MYT1L: variants seen among roughly 807,000 people sequenced by gnomAD.
The protein encoded by MYT1L is myelin transcription factor 1-like protein.
Under a neutral mutation model 126.7 loss-of-function variants are expected in MYT1L, and 12 were observed. That is an observed-to-expected ratio of 0.09 (90% CI 0.06 to 0.15). The LOEUF (loss-of-function observed/expected upper bound fraction) is 0.15, where lower values mean the gene tolerates loss of function less well. Among genes scored for constraint, MYT1L ranks in the 10% least tolerant of loss-of-function variants. The probability of loss-of-function intolerance (pLI) is 1.00; values close to 1 mark genes in which losing one functional copy is unlikely to be tolerated. For missense variants in MYT1L, 979 were observed against 1,585.2 expected (o/e 0.62, Z 6.49); for synonymous variants, 541 against 604.2 (o/e 0.90, Z 1.53).
intron 4 of MYT1L, among the ~76,000 whole-genome samples, chr2:2,021,394 A>C (rs2065016912): frequency 6.6e-6 from 1 of 152,146 alleles, no homozygotes; most frequent in Non-Finnish European, 1.5e-5. Context: ...TAAAGGGTTT[A>C]TGTAGGGAGC....
At chr2:1,909,714 C>T (rs931803169) in intron 13 of MYT1L, among the ~76,000 whole-genome samples, 9 of 152,250 alleles carry the variant, frequency 5.9e-5, no homozygotes, top group East Asian at 3.9e-4. Context: ...ACTTGCCAAA[C>T]GGAGGTGACA....
At chr2:2,295,086 A>G (rs368271699) in intron 1 of MYT1L, among the ~76,000 whole-genome samples, 24 of 152,166 alleles carry the variant, frequency 1.6e-4, no homozygotes, top group African/African-American at 5.6e-4. Context: ...TGTGAAATCT[A>G]TGATCCGCCT....
intron 4 of MYT1L, among the ~76,000 whole-genome samples, chr2:2,044,935 G>C (rs2150041657): frequency 6.6e-6 from 1 of 152,282 alleles, no homozygotes; most frequent in Non-Finnish European, 1.5e-5. Context: ...TGGATCAGTT[G>C]CACTAATTGG....
chr2:2,139,005 C>T (rs902107427), intron 3 of MYT1L, among the ~76,000 whole-genome samples: 2 of 152,078 alleles, frequency 1.3e-5, no homozygotes, highest in African/African-American at 2.4e-5. Flanking sequence ...AAAACAATCA[C>T]GTTCCTTCTT....
intron 2 of MYT1L, among the ~76,000 whole-genome samples, chr2:2,180,540 C>G (rs1572191887): frequency 6.6e-6 from 1 of 151,622 alleles, no homozygotes; most frequent in East Asian, 1.9e-4. Context: ...GTGTGTGCAC[C>G]TGTATCTGTA....
chr2:1,915,694 G>C (rs1032187395), intron 11 of MYT1L, among the ~76,000 whole-genome samples: 1 of 152,210 alleles, frequency 6.6e-6, no homozygotes, highest in African/African-American at 2.4e-5. Flanking sequence ...ACCAAACCCA[G>C]GTTTCAGAGG....
chr2:2,223,165 CT>C (rs2093923494), intron 2 of MYT1L, among the ~76,000 whole-genome samples: 1 of 152,192 alleles, frequency 6.6e-6, no homozygotes, highest in African/African-American at 2.4e-5. Context: ...CACAGACATC[CT>C]GCCTCGAAAT....
chr2:2,329,521 A>C (rs2096272275), intron 1 of MYT1L, among the ~76,000 whole-genome samples: 1 of 152,202 alleles, frequency 6.6e-6, no homozygotes, highest in Non-Finnish European at 1.5e-5. Flanking sequence ...ATAATCTATC[A>C]GAATTTTATT....
At chr2:1,810,339 C>G (rs1408019380) in intron 21 of MYT1L, among the ~76,000 whole-genome samples, 1 of 152,050 alleles carries the variant, frequency 6.6e-6, no homozygotes, top group African/African-American at 2.4e-5. Context: ...AGGGTTTCAC[C>G]ATATTGGCCA....
intron 2 of MYT1L, among the ~76,000 whole-genome samples, chr2:2,274,957 C>A (rs927352682): frequency 6.6e-6 from 1 of 152,008 alleles, no homozygotes; most frequent in African/African-American, 2.4e-5. Context: ...CTATGTAGTG[C>A]TATGAGGGGG....
At chr2:1,812,521 G>A (rs10172879) in intron 21 of MYT1L, among the ~76,000 whole-genome samples, 6,122 of 152,224 alleles carry the variant, frequency 0.04, 143 homozygotes, top group East Asian at 0.067. Flanking sequence ...CCCAGGCTCT[G>A]GAAGGTGCAG....
intron 19 of MYT1L, among the ~76,000 whole-genome samples, chr2:1,843,388 G>C (rs1030005187): frequency 6.6e-6 from 1 of 152,180 alleles, no homozygotes; most frequent in African/African-American, 2.4e-5. Context: ...AGGAACCAAG[G>C]GGGGAATTAC....
At chr2:2,168,239 A>G (rs1377107493) in intron 3 of MYT1L, among the ~76,000 whole-genome samples, 2 of 152,220 alleles carry the variant, frequency 1.3e-5, no homozygotes, top group African/African-American at 4.8e-5. Context: ...AGGGATGTGC[A>G]GTAAAAAAGA....
chr2:2,142,912 CCTGACCT>C, intron 3 of MYT1L, among the ~76,000 whole-genome samples: 1 of 151,834 alleles, frequency 6.6e-6, no homozygotes, highest in East Asian at 2.0e-4. Context: ...GTCTCAAACT[CCTGACCT>C]CAGGTGATCT....
intron 21 of MYT1L, chr2:1,825,801 T>G (rs1177295323): frequency 6.6e-6 from 1 of 152,242 alleles, no homozygotes; most frequent in Non-Finnish European, 1.5e-5. Flanking sequence ...GATAGTCCCC[T>G]TCCAGTGGGC....
chr2:1,988,550 T>C (rs1041123490), intron 5 of MYT1L, among the ~76,000 whole-genome samples: 2 of 152,236 alleles, frequency 1.3e-5, no homozygotes, highest in African/African-American at 4.8e-5. Context: ...AGCATACATG[T>C]GCATGACGGG....
chr2:1,925,794 C>T (rs951612772), intron 9 of MYT1L, among the ~76,000 whole-genome samples: 2 of 152,186 alleles, frequency 1.3e-5, no homozygotes, highest in African/African-American at 4.8e-5. Context: ...GCTCGGCGCC[C>T]ATCATGACTT....
chr2:2,171,531 C>A (rs1394026106), intron 3 of MYT1L, among the ~76,000 whole-genome samples: 1 of 152,208 alleles, frequency 6.6e-6, no homozygotes, highest in African/African-American at 2.4e-5. Flanking sequence ...GTATGAAACA[C>A]CTACAGTTCA....
rs2048338421 is a variant in MYT1L, at chr2:1,887,760, T to C, written c.2521-151A>G. 6.6e-6 allele frequency among the ~76,000 whole-genome samples: 1 copy of C among 152,168 alleles called. No individual in the cohort carries two copies. Among genetic ancestry groups the C allele is most frequent in the Non-Finnish European group, 1.5e-5 (1 of 68,032 alleles). On this transcript the variant is annotated intron_variant, in intron 16 of 24. Transcript: ENST00000647738. The surrounding 1 kb of genome is among the most constrained non-coding windows in gnomAD (Gnocchi z 4.8). ...CTTTTGGTCCTGATAACGCCCCTACTGAAAATGCATATTGAACTTTTCTTC... is the reference window on the plus strand; with the variant it reads ...CTTTTGGTCCTGATAACGCCCCTACCGAAAATGCATATTGAACTTTTCTTC...
Sources: allele counts gnomAD v4.1 joint callset (sites outside exome capture counted in the v4.1 genomes callset), GRCh38; gene constraint gnomAD v4.1.1; non-coding constraint Gnocchi (gnomAD v3.1); transcripts MANE v1.5; gene names NCBI Gene and HGNC (gene_info 2026-07-23, HGNC 2026-07-21).